MYH6: variants seen among roughly 807,000 people sequenced by gnomAD.
MYH6 encodes myosin-6.
MYH6 carries 126 observed loss-of-function variants against 223.2 expected under a neutral mutation model. The ratio of observed to expected loss-of-function variants is 0.56; its 90% confidence interval spans 0.49 to 0.65. The LOEUF is 0.65. Ranked by LOEUF, MYH6 falls within the 30% of genes least tolerant of loss-of-function variation. The pLI, the probability that MYH6 is intolerant of heterozygous loss-of-function variation, is 0.00. For missense variants in MYH6, 2,040 were observed against 2,536.4 expected, an observed-to-expected ratio of 0.80 and a Z score of 4.20; for synonymous variants, 978 against 1,010.2, an observed-to-expected ratio of 0.97 and a Z score of 0.61.
At chr14:23,398,024 C>CTTCTTCTTCTTCTTCTT (rs1233804043) in intron 15 of MYH6, among the ~76,000 whole-genome samples, 7 of 99,786 alleles carry the variant, frequency 7.0e-5, no homozygotes, top group East Asian at 3.2e-4. Flanking sequence ...TCTTCTTCTT[C>CTTCTTCTTCTTCTTCTT]CTTCTATTTT....
intron 12 of MYH6, 86 bp downstream of exon 12, chr14:23,402,378 G>A: frequency 1.3e-6 from 2 of 1,589,706 alleles, no homozygotes; most frequent in Non-Finnish European, 8.6e-7. Context: ...TGCCCCACAA[G>A]CCTCAGAGTC....
At position 23,402,811 on chromosome 14, in the gene MYH6, C is replaced by T; in HGVS notation, c.899-11G>A. The T allele has an allele frequency of 6.4e-7, 1 of 1,568,588 alleles. No homozygotes were observed. The highest frequency in any genetic ancestry group is 8.6e-7 in the Non-Finnish European group (1 of 1,157,688). On this transcript the variant is annotated splice_polypyrimidine_tract_variant and intron_variant, in intron 10 of 38. Transcript: ENST00000405093. ...TGACCAGCAGCATGTCTGCACCAGG[C>T]AAGGGGTGAGGCAGGGGCAAGGGGG...
chr14:23,394,178 C>T lies in MYH6; in HGVS notation c.2575G>A (p.Gly859Arg), dbSNP rs369274077. 2.3e-5 allele frequency: 37 copies of T among 1,614,094 alleles called. 1 individual carries two copies. Among genetic ancestry groups the T allele is most frequent in the Admixed American group, 6.7e-5 (4 of 59,998 alleles). The change falls in exon 21 of 39, where the codon GGG becomes AGG. Residue 859 changes from glycine to arginine, a missense_variant. Gly to Arg is a moderately radical substitution (Grantham distance 125). Coordinates refer to ENST00000405093, the MANE Select transcript of MYH6 (RefSeq NM_002471.4). Reference sequence around the variant, plus strand: ...TTCTCCAGCGTCTCTTTGATGCGCCCGAACTCTTCCTTCATGGTGGCCATC... The same window carrying T: ...TTCTCCAGCGTCTCTTTGATGCGCCTGAACTCTTCCTTCATGGTGGCCATC... ...KEMATMKEEF[G>R]RIKETLEKSE...
intron 14 of MYH6, among the ~76,000 whole-genome samples, chr14:23,399,468 C>G (rs1891530046): frequency 6.6e-6 from 1 of 152,198 alleles, no homozygotes; most frequent in Non-Finnish European, 1.5e-5. Context: ...CTTCCAAAAA[C>G]CTGGTGGTTC....
chr14:23,390,014 G>C (rs1025927506), intron 26 of MYH6, 43 bp downstream of exon 26: 3 of 1,613,214 alleles, frequency 1.9e-6, no homozygotes, highest in East Asian at 4.5e-5. Flanking sequence ...GGGAGGCTCC[G>C]CTGTGCAGGG....
Position 23,405,782 on chromosome 14 carries a change from G to A in MYH6, c.202-12C>T, listed in dbSNP as rs566157802. 102 of 1,614,072 alleles carry A rather than the reference G, an allele frequency of 6.3e-5. No individual in the cohort carries two copies. The highest frequency in any genetic ancestry group is 5.7e-4 in the African/African-American group (43 of 75,010). ...TTCACAGTCACCGTCTGGAGGGGGC[G>A]CATAAGCAGGAGGATGAGTGACCAC... On this transcript the variant is annotated splice_polypyrimidine_tract_variant and intron_variant, in intron 3 of 38. Coordinates refer to ENST00000405093, the MANE Select transcript of MYH6 (RefSeq NM_002471.4). The surrounding 1 kb of genome is among the most constrained non-coding windows in gnomAD (Gnocchi z 4.7).
chr14:23,407,445 G>A lies in MYH6; in HGVS notation c.-14+131C>T, dbSNP rs1167283166. 2.6e-6 allele frequency: 3 copies of A among 1,149,938 alleles called. No individual in the cohort carries two copies. Among genetic ancestry groups the A allele is most frequent in the Non-Finnish European group, 3.6e-6 (3 of 841,010 alleles). The allele number at this position is 1,149,938 out of a possible 1,614,324, so 71.2% of individuals were successfully genotyped here. On this transcript the variant is annotated intron_variant, in intron 2 of 38. Coordinates refer to ENST00000405093, the MANE Select transcript of MYH6 (RefSeq NM_002471.4). The surrounding 1 kb of genome is among the most constrained non-coding windows in gnomAD (Gnocchi z 5.6). ...GACAATCTCTGTAAGGGGTTTCCCTGGGGTGGCATTGGCTGGAGTATGCTA... is the reference window on the plus strand; with the variant it reads ...GACAATCTCTGTAAGGGGTTTCCCTAGGGTGGCATTGGCTGGAGTATGCTA...
chr14:23,386,842 C>G (rs566922027), intron 32 of MYH6, among the ~76,000 whole-genome samples: 4 of 152,276 alleles, frequency 2.6e-5, no homozygotes, highest in African/African-American at 9.6e-5. Flanking sequence ...GTTTGGACCT[C>G]ACAATTGCCA....
rs777062797 is a variant in MYH6, at chr14:23,392,700, C to G, written c.3252-48G>C. On this transcript the variant is annotated intron_variant, in intron 24 of 38. Coordinates refer to ENST00000405093, the MANE Select transcript of MYH6 (RefSeq NM_002471.4). ...GGGGAGTGACAGGTAGCCTTCCTTC[C>G]TCTGGGGCTCATTCTCTTCTTGGCC... 19 of 1,496,604 alleles carry G rather than the reference C, an allele frequency of 1.3e-5. No homozygotes were observed. The South Asian group carries it at 1.9e-4, about 15-fold the overall frequency. The allele number at this position is 1,496,604 out of a possible 1,614,324, so 92.7% of individuals were successfully genotyped here.
intron 37 of MYH6, among the ~76,000 whole-genome samples, 174 bp downstream of exon 37, chr14:23,383,051 C>A (rs555067307): frequency 1.3e-5 from 2 of 152,280 alleles, no homozygotes; most frequent in South Asian, 4.2e-4. Context: ...TAGGTGGTGC[C>A]TTTGTTAATT....
intron 20 of MYH6, among the ~76,000 whole-genome samples, chr14:23,394,789 A>C (rs1369289497): frequency 6.6e-6 from 1 of 152,076 alleles, no homozygotes; most frequent in Non-Finnish European, 1.5e-5. Context: ...AGCAGCCGCC[A>C]CTCTGAATCT....
rs756615422 is a variant in MYH6, at chr14:23,400,262, G to A, written c.1575C>T (p.Ile525=). Residue 525 remains isoleucine (I), a synonymous_variant, in exon 14 of 39, where the codon ATC becomes ATT. Coordinates refer to ENST00000405093, the MANE Select transcript of MYH6 (RefSeq NM_002471.4). ...GMDLQACIDL[I]EKPMGIMSIL... ...GGTGAGGCCAAGGAGGCACCTTCTC[G>A]ATGAGGTCAATGCAGGCCTGCAGGT... 35 of 1,614,230 alleles carry A rather than the reference G, an allele frequency of 2.2e-5. No individual in the cohort carries two copies. Among genetic ancestry groups the A allele is most frequent in the Middle Eastern group, 1.6e-4 (1 of 6,062 alleles).
intron 7 of MYH6, 104 bp from the exon 8 acceptor site, chr14:23,404,492 C>A: frequency 7.3e-7 from 1 of 1,368,544 alleles, no homozygotes; most frequent in Non-Finnish European, 1.0e-6. Context: ...GGGTGCGGGG[C>A]TGGGTGAACC....
intron 12 of MYH6, among the ~76,000 whole-genome samples, chr14:23,401,928 T>A (rs1441222088): frequency 6.6e-6 from 1 of 152,166 alleles, no homozygotes; most frequent in Non-Finnish European, 1.5e-5. Context: ...TGGAGAAGGG[T>A]CCCTGAAGGT....
chr14:23,399,471 G>A (rs78071365), intron 14 of MYH6, among the ~76,000 whole-genome samples: 1,869 of 152,256 alleles, frequency 0.012, 35 homozygotes, highest in African/African-American at 0.043. Flanking sequence ...CCAAAAACCT[G>A]GTGGTTCTTG....
At chr14:23,396,853 G>T in intron 18 of MYH6, 36 bp from the exon 19 acceptor site, 1 of 1,613,514 alleles carries the variant, frequency 6.2e-7, no homozygotes, top group Admixed American at 1.7e-5. Context: ...CCCATGCTCT[G>T]CAGTGATCTG....
rs143928061 is a variant in MYH6 at position 23,393,878 on chromosome 14, G to T, written c.2716C>A (p.Arg906Ser). ...EQDNLNDAEE[R>S]CDQLIKNKIQ... ...TTGTTTTTGATCAGCTGGTCGCAGCGCTCCTCAGCATCATTGAGGTTGTCT... is the reference window on the plus strand; with the variant it reads ...TTGTTTTTGATCAGCTGGTCGCAGCTCTCCTCAGCATCATTGAGGTTGTCT... The change falls in exon 22 of 39, where the codon CGC becomes AGC. Residue 906 changes from arginine to serine, a missense_variant. By Grantham distance (110) the Arg-to-Ser change is moderately radical. Transcript: ENST00000405093. 14 of 1,614,178 alleles carry T rather than the reference G, an allele frequency of 8.7e-6. No homozygotes were observed. The highest frequency in any genetic ancestry group is 1.2e-5 in the Non-Finnish European group (14 of 1,180,046).
Position 23,389,970 on chromosome 14 carries a change from C to G in MYH6, c.3732+87G>C. 2.5e-6 allele frequency: 4 copies of G among 1,611,278 alleles called. No individual in the cohort carries two copies. The South Asian group carries it at 4.4e-5, about 18-fold the overall frequency. ...AGGGTGATGAAGAGAATGAGAATGA[C>G]AAGGGAGATGGCAGACAGAGAGAGA... On this transcript the variant is annotated intron_variant, in intron 26 of 38. Transcript: ENST00000405093.
rs1274285881 is a variant in MYH6 at position 23,382,431 on chromosome 14, G to A, written c.5793C>T (p.Ala1931=). The change falls in exon 38 of 39, where the codon GCC becomes GCT. Residue 1931 remains alanine, a synonymous_variant. Coordinates refer to ENST00000405093, the MANE Select transcript of MYH6 (RefSeq NM_002471.4). ...KLRAKSRDIG[A]KQKMHDEE ...GAAGCCCAGGGGAGGGACCCACCTT[G>A]GCACCAATGTCACGGCTCTTGGCTC... 3 of 1,614,016 alleles carry A rather than the reference G, an allele frequency of 1.9e-6. No individual in the cohort carries two copies. Among genetic ancestry groups the A allele is most frequent in the East Asian group, 2.2e-5 (1 of 44,886 alleles).
Sources: allele counts gnomAD v4.1 joint callset (sites outside exome capture counted in the v4.1 genomes callset), GRCh38; gene constraint gnomAD v4.1.1; non-coding constraint Gnocchi (gnomAD v3.1); transcripts MANE v1.5; gene names NCBI Gene and HGNC (gene_info 2026-07-23, HGNC 2026-07-21).